SKA2: variants seen among roughly 807,000 people sequenced by gnomAD.
The protein encoded by SKA2 is spindle and kinetochore associated complex subunit 2.
In SKA2, 13 loss-of-function variants were observed where a neutral mutation model predicts 16.9. The observed-to-expected ratio is 0.77, with a 90% confidence interval of 0.50 to 1.22. SKA2 has a LOEUF of 1.22. Among genes scored for constraint, SKA2 ranks in the 50% most tolerant of loss-of-function variants. The pLI is 0.00. For missense variants in SKA2, 107 were observed against 139.7 expected (o/e 0.77, Z 1.18); for synonymous variants, 47 against 48.5 (o/e 0.97, Z 0.13).
At chr17:59,144,857 G>A (rs1042797747) in intron 1 of SKA2, among the ~76,000 whole-genome samples, 2 of 152,018 alleles carry the variant, frequency 1.3e-5, no homozygotes, top group African/African-American at 2.4e-5. Flanking sequence ...CAGGTTCCCA[G>A]GTTAGAGGGC....
rs1000214780 is a variant in SKA2, at chr17:59,112,205, AC to A, written c.*71del. The A allele has an allele frequency of 1.5e-6, 2 of 1,294,582 alleles. No homozygotes were observed. Among genetic ancestry groups the A allele is most frequent in the African/African-American group, 3.0e-5 (2 of 67,660 alleles). The allele number at this position is 1,294,582 out of a possible 1,614,324, so 80.2% of individuals were successfully genotyped here. A position where few individuals can be genotyped will look rare whatever the true frequency, so the allele number is the denominator to read the frequency against. On this transcript the variant is annotated 3_prime_UTR_variant, in exon 4 of 4. Coordinates refer to ENST00000330137, the MANE Select transcript of SKA2 (RefSeq NM_182620.4). Reference sequence around the variant, plus strand: ...CCCAATCTCTAGACATCAAGGGTTAACAAGACATCTTCCTAAATTTCTCCGG... The same window carrying A: ...CCCAATCTCTAGACATCAAGGGTTAAAAGACATCTTCCTAAATTTCTCCGG...
At chr17:59,140,521 G>A (rs182045230) in intron 1 of SKA2, among the ~76,000 whole-genome samples, 9 of 151,572 alleles carry the variant, frequency 5.9e-5, no homozygotes, top group Admixed American at 3.9e-4. Context: ...GAGCCACTGC[G>A]CCCGGCCCAA....
rs1351013187 is a variant in SKA2 at position 59,123,035 on chromosome 17, A to AG, written c.121-3541_121-3540insC. Among the ~76,000 whole-genome samples the AG allele has an allele frequency of 7.2e-3, 1,078 of 150,108 alleles. 15 individuals are homozygous for AG. Among genetic ancestry groups the AG allele is most frequent in the African/African-American group, 0.025 (1,000 of 40,800 alleles). ...AAACCTTGTCTCAAAAAAAAAAAAAAAAAAGAAAAGAAAAGAAAAGAAAAA... is the reference window on the plus strand; with the variant it reads ...AAACCTTGTCTCAAAAAAAAAAAAAAGAAAAGAAAAGAAAAGAAAAGAAAAA... On this transcript the variant is annotated intron_variant, in intron 2 of 3. Transcript: ENST00000330137.
At chr17:59,115,513 G>A (rs773574985) in intron 3 of SKA2, among the ~76,000 whole-genome samples, 6 of 152,074 alleles carry the variant, frequency 3.9e-5, no homozygotes, top group African/African-American at 7.2e-5. Flanking sequence ...ACAATCATAC[G>A]TCTTACTACA....
At chr17:59,147,694 G>A (rs1042143058) in intron 1 of SKA2, among the ~76,000 whole-genome samples, 3 of 150,152 alleles carry the variant, frequency 2.0e-5, no homozygotes, top group African/African-American at 7.4e-5. Context: ...GAACTACTGG[G>A]CTCAAGTGAT....
At chr17:59,121,960 G>A (rs1432402383) in intron 2 of SKA2, among the ~76,000 whole-genome samples, 2 of 149,844 alleles carry the variant, frequency 1.3e-5, no homozygotes, top group Non-Finnish European at 1.5e-5. Context: ...CACAGAGTGC[G>A]ACTCCATCTG....
intron 1 of SKA2, among the ~76,000 whole-genome samples, chr17:59,140,293 G>A (rs1294601659): frequency 2.6e-5 from 4 of 151,476 alleles, no homozygotes; most frequent in South Asian, 2.1e-4. Context: ...GCAATGGCAC[G>A]ATCTCAGCTC....
chr17:59,132,370 A>AAG (rs2046417305), intron 1 of SKA2, among the ~76,000 whole-genome samples: 1 of 151,584 alleles, frequency 6.6e-6, no homozygotes, highest in Non-Finnish European at 1.5e-5. Context: ...AAAAAAAAAA[A>AAG]TAAGTATTTG....
intron 2 of SKA2, among the ~76,000 whole-genome samples, chr17:59,130,622 G>A (rs369912187): frequency 2.0e-5 from 3 of 149,670 alleles, no homozygotes; most frequent in East Asian, 2.0e-4. Flanking sequence ...AGAGTGATCC[G>A]TCTCAAAAAA....
intron 1 of SKA2, among the ~76,000 whole-genome samples, chr17:59,131,629 T>A (rs1222604686): frequency 6.6e-6 from 1 of 152,198 alleles, no homozygotes; most frequent in Non-Finnish European, 1.5e-5. Flanking sequence ...ATCAAGATAC[T>A]GAGTAGCCAT....
rs147616301 is a variant in SKA2 at position 59,121,567 on chromosome 17, C to T, written c.121-2072G>A. Among the ~76,000 whole-genome samples the T allele has an allele frequency of 5.7e-3, 857 of 150,976 alleles. 13 individuals are homozygous for T. The highest frequency in any genetic ancestry group is 0.02 in the African/African-American group (829 of 41,076). On this transcript the variant is annotated intron_variant, in intron 2 of 3. Coordinates refer to ENST00000330137, the MANE Select transcript of SKA2 (RefSeq NM_182620.4). Reference sequence around the variant, plus strand: ...CCTCAGTAGGCTGAGGCAGGAGAATCACTTGAGCCTGGGAGGCAGAGGTGG... The same window carrying T: ...CCTCAGTAGGCTGAGGCAGGAGAATTACTTGAGCCTGGGAGGCAGAGGTGG...
At chr17:59,148,927 A>G (rs528761318) in intron 1 of SKA2, among the ~76,000 whole-genome samples, 1 of 152,312 alleles carries the variant, frequency 6.6e-6, no homozygotes, top group South Asian at 2.1e-4. Context: ...TCATTAGTTA[A>G]GGAAGTGCAA....
intron 1 of SKA2, chr17:59,151,336 T>G (rs2046576233): frequency 2.4e-6 from 1 of 410,002 alleles, no homozygotes; most frequent in Admixed American, 3.9e-5. Flanking sequence ...CAAAAAACAT[T>G]TATATCAATG....
intron 1 of SKA2, among the ~76,000 whole-genome samples, chr17:59,143,152 A>G (rs971771784): frequency 6.6e-6 from 1 of 152,042 alleles, no homozygotes; most frequent in Non-Finnish European, 1.5e-5. Flanking sequence ...AGAATAATCA[A>G]TATATAATGG....
chr17:59,152,563 AAC>A (rs1218207475), intron 1 of SKA2, among the ~76,000 whole-genome samples: 2 of 152,126 alleles, frequency 1.3e-5, no homozygotes, highest in Admixed American at 6.6e-5. Flanking sequence ...AATTAGGATA[AAC>A]ACTTTCTTTT....
chr17:59,112,172 C>T lies in SKA2; in HGVS notation c.*105G>A. 1 of 861,878 alleles carries T rather than the reference C, an allele frequency of 1.2e-6. No homozygotes were observed. Among genetic ancestry groups the T allele is most frequent in the South Asian group, 1.6e-5 (1 of 61,784 alleles). The allele number at this position is 861,878 out of a possible 1,614,324, so 53.4% of individuals were successfully genotyped here. On this transcript the variant is annotated 3_prime_UTR_variant, in exon 4 of 4. Coordinates refer to ENST00000330137, the MANE Select transcript of SKA2 (RefSeq NM_182620.4). ...CCAGTCATTGAAGCCAAACCCCCTT[C>T]ACCAGCCCCCAATCTCTAGACATCA...
intron 3 of SKA2, among the ~76,000 whole-genome samples, chr17:59,116,810 C>CTTTTTTTTTTTTTTTT (rs909458290): frequency 1.5e-4 from 11 of 75,300 alleles, no homozygotes; most frequent in East Asian, 9.9e-4. Context: ...CTGCCTTTGG[C>CTTTTTTTTTTTTTTTT]TTTTTTTTTT....
At chr17:59,133,402 A>C (rs1245806933) in intron 1 of SKA2, among the ~76,000 whole-genome samples, 1 of 152,224 alleles carries the variant, frequency 6.6e-6, no homozygotes, top group East Asian at 1.9e-4. Flanking sequence ...TTTACTACAG[A>C]AAGGAAAACA....
intron 2 of SKA2, among the ~76,000 whole-genome samples, chr17:59,124,641 A>G (rs1407389047): frequency 6.6e-6 from 1 of 152,184 alleles, no homozygotes; most frequent in Non-Finnish European, 1.5e-5. Flanking sequence ...TTCATACAGG[A>G]AAAAATAAAA....
Sources: allele counts gnomAD v4.1 joint callset (sites outside exome capture counted in the v4.1 genomes callset), GRCh38; gene constraint gnomAD v4.1.1; transcripts MANE v1.5; gene names NCBI Gene and HGNC (gene_info 2026-07-23, HGNC 2026-07-21).